The following DMRT1 variants were observed in gnomAD, a reference collection of about 807,000 sequenced individuals.
DMRT1 encodes the protein doublesex and mab-3 related transcription factor 1.
In DMRT1, 7 loss-of-function variants were observed where a neutral mutation model predicts 32.3. The observed-to-expected ratio is 0.22, with a 90% CI of 0.12 to 0.41. DMRT1 has a LOEUF of 0.41. DMRT1 is among the 10% of genes least tolerant of loss of function. DMRT1 has a pLI of 1.00. For missense variants in DMRT1, 625 were observed against 500.5 expected, an observed-to-expected ratio of 1.25 and a Z score of -2.37; for synonymous variants, 278 against 206.1, an observed-to-expected ratio of 1.35 and a Z score of -2.99.
intron 4 of DMRT1, among the ~76,000 whole-genome samples, chr9:934,494 G>T (rs971084712): frequency 2.6e-5 from 4 of 152,038 alleles, no homozygotes; most frequent in African/African-American, 7.3e-5. Flanking sequence ...TCACACCAGC[G>T]CTCTCCAGCT....
chr9:862,511 TGGGGAGGGGGAG>T (rs201404850), intron 2 of DMRT1, among the ~76,000 whole-genome samples: 5 of 12,254 alleles, frequency 4.1e-4, no homozygotes, highest in South Asian at 4.2e-3. Context: ...GACCGTGCAA[TGGGGAGGGGGAG>T]GGGGAGGGGG....
At chr9:918,105 C>T (rs1482437421) in intron 4 of DMRT1, among the ~76,000 whole-genome samples, 1 of 152,150 alleles carries the variant, frequency 6.6e-6, no homozygotes, top group Admixed American at 6.6e-5. Flanking sequence ...ACTTTCTTAC[C>T]TGCTGTGATG....
At chr9:932,840 G>T (rs958648533) in intron 4 of DMRT1, among the ~76,000 whole-genome samples, 3 of 151,972 alleles carry the variant, frequency 2.0e-5, no homozygotes, top group Non-Finnish European at 4.4e-5. Flanking sequence ...TTAAATAAAG[G>T]ATACAACTCA....
intron 2 of DMRT1, among the ~76,000 whole-genome samples, chr9:876,697 A>G (rs1196949027): frequency 1.3e-5 from 2 of 151,916 alleles, no homozygotes; most frequent in Non-Finnish European, 2.9e-5. Flanking sequence ...ATGCCCAGCT[A>G]TTTTAAAATG....
chr9:852,242 T>A (rs1231738439), intron 2 of DMRT1, among the ~76,000 whole-genome samples: 1 of 151,722 alleles, frequency 6.6e-6, no homozygotes, highest in Non-Finnish European at 1.5e-5. Flanking sequence ...TGGCCGCAGG[T>A]ACACTATTGA....
chr9:878,782 CGTGGCA>C (rs1816614463), intron 2 of DMRT1, among the ~76,000 whole-genome samples: 1 of 152,202 alleles, frequency 6.6e-6, no homozygotes, highest in Admixed American at 6.5e-5. Flanking sequence ...GCACTCAACA[CGTGGCA>C]GAGCCTTTCT....
chr9:861,451 T>C (rs1324993406), intron 2 of DMRT1, among the ~76,000 whole-genome samples: 1 of 152,234 alleles, frequency 6.6e-6, no homozygotes, highest in African/African-American at 2.4e-5. Flanking sequence ...AAATGGAGTC[T>C]CCTATGTCTG....
chr9:926,713 G>C (rs1278226218), intron 4 of DMRT1, among the ~76,000 whole-genome samples: 1 of 148,416 alleles, frequency 6.7e-6, no homozygotes, highest in East Asian at 2.0e-4. Flanking sequence ...GAGAGAGAGA[G>C]AGAGAAGCTC....
intron 2 of DMRT1, among the ~76,000 whole-genome samples, chr9:864,521 C>T (rs1359873339): frequency 1.1e-3 from 83 of 74,258 alleles, no homozygotes; most frequent in African/African-American, 3.4e-3. Flanking sequence ...TTTTTTGAGA[C>T]GGAGTCTTGC....
At chr9:928,402 A>G (rs1818597830) in intron 4 of DMRT1, among the ~76,000 whole-genome samples, 1 of 152,162 alleles carries the variant, frequency 6.6e-6, no homozygotes, top group Non-Finnish European at 1.5e-5. Context: ...CTTGCATAAA[A>G]TCTGGGTTAG....
intron 3 of DMRT1, among the ~76,000 whole-genome samples, chr9:895,306 C>G (rs906803129): frequency 1.3e-5 from 2 of 152,120 alleles, no homozygotes; most frequent in Admixed American, 6.5e-5. Context: ...GGCTAGATTA[C>G]CTTGTACAGA....
intron 4 of DMRT1, among the ~76,000 whole-genome samples, chr9:951,975 T>C (rs185862443): frequency 1.3e-5 from 2 of 152,332 alleles, no homozygotes; most frequent in East Asian, 3.9e-4. Flanking sequence ...AGGAGCTTGC[T>C]ATGCTATGTA....
intron 2 of DMRT1, among the ~76,000 whole-genome samples, chr9:864,676 AT>A (rs1321720617): frequency 1.3e-5 from 2 of 150,584 alleles, no homozygotes; most frequent in African/African-American, 4.9e-5. Context: ...TTTTTTTTGT[AT>A]TTTTAGTAGA....
chr9:860,472 T>G (rs189913975), intron 2 of DMRT1, among the ~76,000 whole-genome samples: 1 of 152,314 alleles, frequency 6.6e-6, no homozygotes, highest in Non-Finnish European at 1.5e-5. Flanking sequence ...CTTACTCTGT[T>G]TTTTCATTTT....
chr9:864,361 G>A (rs540491904), intron 2 of DMRT1, among the ~76,000 whole-genome samples: 1 of 151,306 alleles, frequency 6.6e-6, no homozygotes, highest in Non-Finnish European at 1.5e-5. Flanking sequence ...CTGCCACCAC[G>A]TTTGGCTAAT....
intron 2 of DMRT1, among the ~76,000 whole-genome samples, chr9:887,710 C>T (rs1222160818): frequency 6.6e-6 from 1 of 152,276 alleles, no homozygotes; most frequent in South Asian, 2.1e-4. Flanking sequence ...CACTCTGGCT[C>T]ATCACTCACC....
chr9:904,667 G>A (rs1303866289), intron 3 of DMRT1, among the ~76,000 whole-genome samples: 2 of 152,170 alleles, frequency 1.3e-5, no homozygotes, highest in East Asian at 1.9e-4. Flanking sequence ...CCATGTGGCC[G>A]GGTGCTATGG....
At chr9:885,055 C>T (rs932104658) in intron 2 of DMRT1, among the ~76,000 whole-genome samples, 1 of 152,178 alleles carries the variant, frequency 6.6e-6, no homozygotes, top group Non-Finnish European at 1.5e-5. Context: ...CCTCTTGTCC[C>T]CGTTTTAGAG....
intron 4 of DMRT1, among the ~76,000 whole-genome samples, chr9:942,323 G>T (rs1462583185): frequency 6.6e-6 from 1 of 152,136 alleles, no homozygotes; most frequent in African/African-American, 2.4e-5. Flanking sequence ...ACCCAGGCTG[G>T]AGTGAAGTGG....
Sources: allele counts gnomAD v4.1 joint callset (sites outside exome capture counted in the v4.1 genomes callset), GRCh38; gene constraint gnomAD v4.1.1; transcripts MANE v1.5; gene names NCBI Gene and HGNC (gene_info 2026-07-23, HGNC 2026-07-21).